The following TENM1 variants were observed in gnomAD, a reference collection of about 807,000 sequenced individuals.
TENM1 encodes the protein teneurin transmembrane protein 1.
TENM1 carries 35 observed loss-of-function variants against 174.8 expected under a neutral mutation model. The observed-to-expected ratio is 0.20, with a 90% confidence interval of 0.15 to 0.27. The LOEUF (loss-of-function observed/expected upper bound fraction) is 0.27. TENM1 is among the 10% of genes least tolerant of loss of function. TENM1 has a pLI of 1.00. For synonymous variants in TENM1, 781 were observed against 798.7 expected, an observed-to-expected ratio of 0.98 and a Z score of 0.37; for missense variants, 1,633 against 2,130.1, an observed-to-expected ratio of 0.77 and a Z score of 4.59.
intron 3 of TENM1, among the ~76,000 whole-genome samples, chrX:124,817,260 C>T (rs982084342): frequency 7.2e-5 from 8 of 111,433 alleles, no homozygotes; most frequent in Admixed American, 5.7e-4. Flanking sequence ...GGTGTATATG[C>T]GCTACATTTT....
At chrX:125,071,258 T>C in the TENM1 span, among the ~76,000 whole-genome samples, 479 of 111,908 alleles carry the variant, frequency 4.3e-3, 4 homozygotes, top group African/African-American at 0.013. Context: ...AAACATTTTA[T>C]TTCATGTTCT....
At position 124,465,617 on chromosome X, in the gene TENM1, G is replaced by T. The variant is rs138302426; in HGVS notation, c.3950-12126C>A. Among the ~76,000 whole-genome samples the T allele has an allele frequency of 4.5e-5, 5 of 111,307 alleles. No individual in the cohort carries two copies. The East Asian group carries it at 1.4e-3, about 31-fold the overall frequency. On this transcript the variant is annotated intron_variant, in intron 22 of 31. Coordinates refer to ENST00000422452, the Ensembl canonical transcript of TENM1. Reference sequence around the variant, plus strand: ...GTTCACTTAACCCATCAGGAATAGAGGTTAGAATCTAGTTCCTAGTTCTTT... The same window carrying T: ...GTTCACTTAACCCATCAGGAATAGATGTTAGAATCTAGTTCCTAGTTCTTT...
At chrX:124,647,646 T>C (rs1260296916) in intron 8 of TENM1, among the ~76,000 whole-genome samples, 1 of 111,687 alleles carries the variant, frequency 9.0e-6, no homozygotes, top group Non-Finnish European at 1.9e-5. Context: ...ATTTTAAAAT[T>C]GTGTTTGAGC....
At chrX:124,973,305 A>G in the TENM1 span, among the ~76,000 whole-genome samples, 3 of 111,875 alleles carry the variant, frequency 2.7e-5, no homozygotes, top group Non-Finnish European at 3.8e-5. Context: ...TGGATACTGT[A>G]GCCTTGTAGT....
the TENM1 span, among the ~76,000 whole-genome samples, chrX:125,143,855 A>C: frequency 8.9e-6 from 1 of 111,918 alleles, no homozygotes; most frequent in Non-Finnish European, 1.9e-5. Flanking sequence ...GATTTTAAAA[A>C]TCTGGATAAT....
chrX:125,150,858 T>C, the TENM1 span, among the ~76,000 whole-genome samples: 1 of 111,979 alleles, frequency 8.9e-6, no homozygotes, highest in Non-Finnish European at 1.9e-5. Context: ...GTGATGAAAG[T>C]CTTTCTAAGA....
intron 5 of TENM1, among the ~76,000 whole-genome samples, chrX:124,672,267 CA>C (rs1477292644): frequency 1.8e-5 from 2 of 111,583 alleles, no homozygotes; most frequent in Non-Finnish European, 3.8e-5. Context: ...TTCAGTTCAG[CA>C]AATATTTCCT....
chrX:124,681,095 T>G (rs1341103752), intron 5 of TENM1, among the ~76,000 whole-genome samples: 1 of 112,155 alleles, frequency 8.9e-6, no homozygotes, highest in Non-Finnish European at 1.9e-5. Context: ...AAACTCACTT[T>G]TCTGAGTTAG....
chrX:124,532,818 T>A (rs2148077222), intron 15 of TENM1, among the ~76,000 whole-genome samples: 1 of 112,066 alleles, frequency 8.9e-6, no homozygotes, highest in South Asian at 3.7e-4. Flanking sequence ...TCCCTGTATC[T>A]TGCTGCATTT....
chrX:124,777,122 T>A (rs2054803376), intron 3 of TENM1, among the ~76,000 whole-genome samples: 2 of 110,877 alleles, frequency 1.8e-5, no homozygotes, highest in Admixed American at 9.6e-5. Context: ...ATTAAACTCC[T>A]GAATCTAAAA....
At chrX:124,646,870 A>AT (rs1200811241) in intron 8 of TENM1, 60 bp from the exon 12 acceptor site, 274 of 837,695 alleles carry the variant, frequency 3.3e-4, no homozygotes, top group Middle Eastern at 5.8e-4. Context: ...TAGAGTCTTT[A>AT]TTTTTTTTTA....
chrX:124,863,193 G>C (rs1052097740), intron 3 of TENM1, among the ~76,000 whole-genome samples: 7 of 110,321 alleles, frequency 6.3e-5, no homozygotes, highest in Non-Finnish European at 9.5e-5. Flanking sequence ...CACATGATCA[G>C]CTGTGGTGGC....
chrX:124,526,441 C>A (rs766870725), intron 16 of TENM1, among the ~76,000 whole-genome samples: 1 of 112,244 alleles, frequency 8.9e-6, no homozygotes, highest in Non-Finnish European at 1.9e-5. Flanking sequence ...CATCTTTCCA[C>A]CTCGCAGTTA....
intron 3 of TENM1, among the ~76,000 whole-genome samples, chrX:124,824,317 A>T (rs1476622453): frequency 1.8e-5 from 2 of 112,320 alleles, no homozygotes; most frequent in Non-Finnish European, 3.8e-5. Flanking sequence ...AACTCAGCTG[A>T]TTAATGGTAA....
intron 1 of TENM1, among the ~76,000 whole-genome samples, chrX:124,944,266 T>C (rs930258975): frequency 4.5e-5 from 5 of 111,484 alleles, no homozygotes; most frequent in African/African-American, 1.6e-4. Context: ...TCTACCCTGA[T>C]GTATAAAAGA....
chrX:125,058,457 T>C, the TENM1 span, among the ~76,000 whole-genome samples: 10 of 111,857 alleles, frequency 8.9e-5, no homozygotes, highest in African/African-American at 3.2e-4. Flanking sequence ...GACAATTTTA[T>C]GTGTAATAAT....
chrX:125,027,713 A>G, the TENM1 span, among the ~76,000 whole-genome samples: 1 of 105,815 alleles, frequency 9.5e-6, no homozygotes, highest in African/African-American at 3.5e-5. Context: ...TCCCGGGTTC[A>G]AGTGATTCTC....
intron 1 of TENM1, among the ~76,000 whole-genome samples, chrX:124,918,940 A>G (rs2147669672): frequency 8.9e-6 from 1 of 112,238 alleles, no homozygotes; most frequent in East Asian, 2.8e-4. Flanking sequence ...CTCCAGCCAC[A>G]TCTATGCTAA....
the TENM1 span, among the ~76,000 whole-genome samples, chrX:125,151,374 A>C: frequency 1.8e-5 from 2 of 112,279 alleles, no homozygotes; most frequent in African/African-American, 6.5e-5. Context: ...ATCGGAGACC[A>C]GCGGAAAAAA....
Sources: allele counts gnomAD v4.1 joint callset (sites outside exome capture counted in the v4.1 genomes callset), GRCh38; gene constraint gnomAD v4.1.1; transcripts MANE v1.5; gene names NCBI Gene and HGNC (gene_info 2026-07-23, HGNC 2026-07-21).